PEX26: variants seen among roughly 807,000 people sequenced by gnomAD.
The protein encoded by PEX26 is peroxisome assembly protein 26.
In PEX26, 18 loss-of-function variants were observed where a neutral mutation model predicts 31.4. That is an observed-to-expected ratio of 0.57 (90% CI 0.40 to 0.85). The LOEUF is 0.85. Ranked by LOEUF, PEX26 falls within the 40% of genes least tolerant of loss-of-function variation. The pLI is 0.00. For missense variants in PEX26, 377 were observed against 383.9 expected, an observed-to-expected ratio of 0.98 and a Z score of 0.15; for synonymous variants, 176 against 166.9, an observed-to-expected ratio of 1.05 and a Z score of -0.42.
rs978868734 is a variant in PEX26, at chr22:18,097,502, A to G, written c.*9427A>G. 1.3e-5 allele frequency: 2 copies of G among 152,088 alleles called. No homozygotes were observed. The highest frequency in any genetic ancestry group is 2.9e-5 in the Non-Finnish European group (2 of 68,052). 9.4% of individuals were successfully genotyped at this position (152,088 alleles called of 1,614,324 possible). ...ATGGTCTTGATCTCCTGACCTCGTG[A>G]TCCACTTGCCTCGGTCTCCCAAAGT... is the stretch of plus-strand genomic sequence containing the variant. On this transcript the variant is annotated 3_prime_UTR_variant, in exon 5 of 5. Transcript: ENST00000399744.
At position 18,079,949 on chromosome 22, in the gene PEX26, C is replaced by A; in HGVS notation, c.306C>A (p.Val102=). Residue 102 remains valine (V), a synonymous_variant, in exon 2 of 5, where the codon GTC becomes GTA. Transcript: ENST00000399744. ...CAGAAATGGATCGGTGGCAAGAAGT[C>A]CTCTCCTGGGTCCTTCAGTATTACC... The part of the protein sequence containing the change: ...ALAEMDRWQE[V]LSWVLQYYQV... 1.2e-6 allele frequency: 2 copies of A among 1,614,102 alleles called. No homozygotes were observed. The highest frequency in any genetic ancestry group is 2.2e-5 in the South Asian group (2 of 91,078).
At chr22:18,082,384 T>C (rs1337912588) in intron 2 of PEX26, among the ~76,000 whole-genome samples, 1 of 152,196 alleles carries the variant, frequency 6.6e-6, no homozygotes, top group Non-Finnish European at 1.5e-5. Flanking sequence ...GAGTTAATTT[T>C]TGTATGTGGG....
Position 18,097,480 on chromosome 22 carries a change from G to A in PEX26, c.*9405G>A, listed in dbSNP as rs1276307895. Reference sequence around the variant, plus strand: ...GGGTCTCACCGTGTTAGCCAGGATGGTCTTGATCTCCTGACCTCGTGATCC... The same window carrying A: ...GGGTCTCACCGTGTTAGCCAGGATGATCTTGATCTCCTGACCTCGTGATCC... On this transcript the variant is annotated 3_prime_UTR_variant, in exon 5 of 5. Transcript: ENST00000399744. The A allele has an allele frequency of 6.6e-6, 1 of 151,988 alleles. No homozygotes were observed. Among genetic ancestry groups the A allele is most frequent in the Non-Finnish European group, 1.5e-5 (1 of 68,040 alleles). The allele number at this position is 151,988 out of a possible 1,614,324, so 9.4% of individuals were successfully genotyped here. A position where few individuals can be genotyped will look rare whatever the true frequency, so the allele number is the denominator to read the frequency against.
chr22:18,086,416 T>C (rs1291098139), intron 4 of PEX26, among the ~76,000 whole-genome samples: 1 of 152,258 alleles, frequency 6.6e-6, no homozygotes, highest in African/African-American at 2.4e-5. Flanking sequence ...GGCAGTTACA[T>C]GTCACACATA....
At position 18,095,830 on chromosome 22, in the gene PEX26, C is replaced by CT. The variant is rs361910; in HGVS notation, c.*7765dup. 46,717 of 148,396 alleles carry CT rather than the reference C, an allele frequency of 0.31. 7,601 individuals are homozygous for CT. Among genetic ancestry groups the CT allele is most frequent in the East Asian group, 0.58 (2,953 of 5,054 alleles). The allele number at this position is 148,396 out of a possible 1,614,324, so 9.2% of individuals were successfully genotyped here. A position where few individuals can be genotyped will look rare whatever the true frequency, so the allele number is the denominator to read the frequency against. On this transcript the variant is annotated 3_prime_UTR_variant, in exon 5 of 5. Coordinates refer to ENST00000399744, the MANE Select transcript of PEX26 (RefSeq NM_001127649.3). ...AGACCCATAATGCCCAAGTTTGTAT[C>CT]TTTTTTTTTTGAGACAGAGTCTCAC...
rs71328252 is a variant in PEX26 at position 18,078,112 on chromosome 22, G to A, written c.-265G>A. On this transcript the variant is annotated 5_prime_UTR_variant, in exon 1 of 5. Coordinates refer to ENST00000399744, the MANE Select transcript of PEX26 (RefSeq NM_001127649.3). The stretch of plus-strand genomic sequence containing the variant: ...AGTTCCTGCACGTGTCGCGGGGCCG[G>A]AGAAGCTAGGGCCAGGTATTCCAGG... 4.7e-6 allele frequency: 3 copies of A among 637,044 alleles called. No homozygotes were observed. The highest frequency in any genetic ancestry group is 1.5e-5 in the South Asian group (1 of 66,224). The allele number at this position is 637,044 out of a possible 1,614,324, so 39.5% of individuals were successfully genotyped here. A position where few individuals can be genotyped will look rare whatever the true frequency, so the allele number is the denominator to read the frequency against.
At position 18,098,562 on chromosome 22, in the gene PEX26, GC is replaced by G. The variant is rs1461892623; in HGVS notation, c.*10488del. The G allele has an allele frequency of 6.6e-6, 1 of 151,884 alleles. No individual in the cohort carries two copies. The highest frequency in any genetic ancestry group is 2.4e-5 in the African/African-American group (1 of 41,308). The allele number at this position is 151,884 out of a possible 1,614,324, so 9.4% of individuals were successfully genotyped here. A position where few individuals can be genotyped will look rare whatever the true frequency, so the allele number is the denominator to read the frequency against. Reference sequence around the variant, plus strand: ...CAGGAGAATCTCTGGAACCTGGGAGGCAGAGGTTGCAGTGAGCTGAGATCCT... The same window carrying G: ...CAGGAGAATCTCTGGAACCTGGGAGGAGAGGTTGCAGTGAGCTGAGATCCT... On this transcript the variant is annotated 3_prime_UTR_variant, in exon 5 of 5. Coordinates refer to ENST00000399744, the MANE Select transcript of PEX26 (RefSeq NM_001127649.3).
Position 18,096,957 on chromosome 22 carries a change from C to T in PEX26, c.*8882C>T, listed in dbSNP as rs1291980099. ...TGCATGGCTGTGAGGCCTCAGGAAA[C>T]AAGCAGTCATAGTGGAAGGCAAAGG... On this transcript the variant is annotated 3_prime_UTR_variant, in exon 5 of 5. Transcript: ENST00000399744. 6.6e-6 allele frequency: 1 copy of T among 152,160 alleles called. No homozygotes were observed. Among genetic ancestry groups the T allele is most frequent in the Non-Finnish European group, 1.5e-5 (1 of 68,082 alleles). 9.4% of individuals were successfully genotyped at this position (152,160 alleles called of 1,614,324 possible). A position where few individuals can be genotyped will look rare whatever the true frequency, so the allele number is the denominator to read the frequency against.
intron 3 of PEX26, among the ~76,000 whole-genome samples, chr22:18,084,460 G>T (rs997140558): frequency 1.3e-5 from 2 of 151,954 alleles, no homozygotes; most frequent in Admixed American, 1.3e-4. Context: ...AGCCAGGATG[G>T]TCTCAATCTC....
chr22:18,083,262 G>T (rs1221040084), intron 2 of PEX26, among the ~76,000 whole-genome samples, 175 bp from the exon 3 acceptor site: 1 of 152,202 alleles, frequency 6.6e-6, no homozygotes, highest in Non-Finnish European at 1.5e-5. Flanking sequence ...TGATTATGCT[G>T]TTAGTGATGG....
chr22:18,095,086 C>T lies in PEX26; in HGVS notation c.*7011C>T, dbSNP rs1927252101. On this transcript the variant is annotated 3_prime_UTR_variant, in exon 5 of 5. Coordinates refer to ENST00000399744, the MANE Select transcript of PEX26 (RefSeq NM_001127649.3). ...AAGTAATAAAGATTTGTTGAATGAA[C>T]TTGGATTTTGGCCTTAGGAATTAGG... The T allele has an allele frequency of 6.6e-6, 1 of 152,136 alleles. No homozygotes were observed. The highest frequency in any genetic ancestry group is 6.6e-5 in the Admixed American group (1 of 15,258). 9.4% of individuals were successfully genotyped at this position (152,136 alleles called of 1,614,324 possible).
Position 18,093,414 on chromosome 22 carries a change from T to C in PEX26, c.*5339T>C, listed in dbSNP as rs1340587535. ...ATCTCTACTAAAAAAATACAAAAAA[T>C]TAGCCGGGCGTGGTGGCGGGTGCCT... On this transcript the variant is annotated 3_prime_UTR_variant, in exon 5 of 5. Transcript: ENST00000399744. The C allele has an allele frequency of 6.6e-6, 1 of 151,584 alleles. No individual in the cohort carries two copies. Among genetic ancestry groups the C allele is most frequent in the Non-Finnish European group, 1.5e-5 (1 of 67,966 alleles). The allele number at this position is 151,584 out of a possible 1,614,324, so 9.4% of individuals were successfully genotyped here.
intron 4 of PEX26, among the ~76,000 whole-genome samples, chr22:18,087,377 C>T (rs1363897896): frequency 6.6e-6 from 1 of 152,066 alleles, no homozygotes; most frequent in East Asian, 1.9e-4. Context: ...GCCTGGCCAG[C>T]GAGGTTTCCG....
At position 18,083,418 on chromosome 22, in the gene PEX26, G is replaced by T; in HGVS notation, c.372-19G>T. The T allele has an allele frequency of 6.2e-7, 1 of 1,612,964 alleles. No individual in the cohort carries two copies. ...ACTGACTCTTCTTTTGTTGGGATTGGGTTTTTTGGGGACTGCAGCATTCTT... is the reference window on the plus strand; with the variant it reads ...ACTGACTCTTCTTTTGTTGGGATTGTGTTTTTTGGGGACTGCAGCATTCTT... On this transcript the variant is annotated intron_variant, in intron 2 of 4. Transcript: ENST00000399744.
chr22:18,086,779 A>G (rs1040696942), intron 4 of PEX26, among the ~76,000 whole-genome samples: 3 of 152,192 alleles, frequency 2.0e-5, no homozygotes, highest in African/African-American at 7.2e-5. Flanking sequence ...TGGTCCCTTC[A>G]AATGGTTTGT....
At chr22:18,086,528 G>A (rs1434000908) in intron 4 of PEX26, among the ~76,000 whole-genome samples, 1 of 152,150 alleles carries the variant, frequency 6.6e-6, no homozygotes, top group Non-Finnish European at 1.5e-5. Flanking sequence ...TGATTATTCT[G>A]TTTTCTGCCT....
chr22:18,087,899 C>A (rs1926907218), intron 4 of PEX26, 73 bp from the exon 5 acceptor site: 3 of 980,610 alleles, frequency 3.1e-6, no homozygotes, highest in Non-Finnish European at 5.0e-6. Flanking sequence ...AGTGGAGTCT[C>A]CCAGGGTGGG....
rs1302017975 is a variant in PEX26 at position 18,102,201 on chromosome 22, G to GT, written c.*14129dup. 1 of 152,242 alleles carries GT rather than the reference G, an allele frequency of 6.6e-6. No homozygotes were observed. The highest frequency in any genetic ancestry group is 1.5e-5 in the Non-Finnish European group (1 of 68,092). The allele number at this position is 152,242 out of a possible 1,614,324, so 9.4% of individuals were successfully genotyped here. A position where few individuals can be genotyped will look rare whatever the true frequency, so the allele number is the denominator to read the frequency against. On this transcript the variant is annotated 3_prime_UTR_variant, in exon 5 of 5. Transcript: ENST00000399744. ...GCCTCAGGTGGAATGCTGGGCATGG[G>GT]TTTGCCCCACAGCAGTCTGATTCAA...
intron 2 of PEX26, among the ~76,000 whole-genome samples, chr22:18,083,082 C>T (rs910384647): frequency 3.3e-5 from 5 of 152,202 alleles, no homozygotes; most frequent in South Asian, 2.1e-4. Context: ...GTTCTGTCTG[C>T]AAACAGGGAT....
Sources: allele counts gnomAD v4.1 joint callset (sites outside exome capture counted in the v4.1 genomes callset), GRCh38; gene constraint gnomAD v4.1.1; transcripts MANE v1.5; gene names NCBI Gene and HGNC (gene_info 2026-07-23, HGNC 2026-07-21).